The following TMEFF1 variants were observed in gnomAD, a reference collection of about 807,000 sequenced individuals.
TMEFF1 encodes tomoregulin-1.
A neutral mutation model predicts 47.5 loss-of-function variants in TMEFF1; 20 were observed. That is an observed-to-expected ratio of 0.42 (90% CI 0.30 to 0.61). The LOEUF (loss-of-function observed/expected upper bound fraction) is 0.61, where lower values mean the gene tolerates loss of function less well. Ranked by LOEUF, TMEFF1 falls within the 20% of genes least tolerant of loss-of-function variation. TMEFF1 has a pLI of 0.19. For synonymous variants in TMEFF1, 162 were observed against 166.3 expected (o/e 0.97, Z 0.20); for missense variants, 411 against 471.1 (o/e 0.87, Z 1.18).
At chr9:100,546,932 T>C (rs867733781) in intron 5 of TMEFF1, among the ~76,000 whole-genome samples, 6 of 152,216 alleles carry the variant, frequency 3.9e-5, no homozygotes, top group African/African-American at 1.2e-4. Flanking sequence ...GATAGACATG[T>C]AGCTAGAAAA....
intron 5 of TMEFF1, among the ~76,000 whole-genome samples, chr9:100,533,658 T>C (rs1838445568): frequency 6.6e-6 from 1 of 152,110 alleles, no homozygotes; most frequent in African/African-American, 2.4e-5. Context: ...TTGGCTTTTT[T>C]TTCTGTTGTT....
At position 100,576,494 on chromosome 9, in the gene TMEFF1, CTT is replaced by C. The variant is rs576654571; in HGVS notation, c.1059-20_1059-19del. ...AATCATCAAAACAATATTTTTCTCT[CTT>C]TCTTTTTTTAATGCAACAGAAAATG... On this transcript the variant is annotated intron_variant, in intron 9 of 9. Coordinates refer to ENST00000374879, the MANE Select transcript of TMEFF1 (RefSeq NM_003692.5). 3.0e-5 allele frequency: 48 copies of C among 1,602,808 alleles called. No homozygotes were observed. In the African/African-American group the frequency reaches 5.4e-4, roughly 18 times the overall value.
chr9:100,573,003 G>C (rs1839277355), intron 9 of TMEFF1, among the ~76,000 whole-genome samples: 2 of 148,526 alleles, frequency 1.3e-5, no homozygotes, highest in Non-Finnish European at 3.0e-5. Flanking sequence ...TTTTTTAAGA[G>C]ACAGGGCCTC....
intron 7 of TMEFF1, among the ~76,000 whole-genome samples, chr9:100,557,714 G>A (rs1029030828): frequency 4.6e-5 from 7 of 152,018 alleles, no homozygotes; most frequent in African/African-American, 1.7e-4. Context: ...ATCTTTTGCC[G>A]TTTAATTGTA....
chr9:100,524,273 C>T (rs1424339818), intron 5 of TMEFF1, among the ~76,000 whole-genome samples: 2 of 152,066 alleles, frequency 1.3e-5, no homozygotes, highest in African/African-American at 2.4e-5. Context: ...TTAAGGAATA[C>T]CTGTTAAAAA....
intron 5 of TMEFF1, among the ~76,000 whole-genome samples, chr9:100,544,083 T>A (rs1455089466): frequency 6.9e-6 from 1 of 144,096 alleles, no homozygotes. Context: ...TTTACCTTCA[T>A]GCTGATATAT....
chr9:100,476,976 G>A (rs975491791), intron 1 of TMEFF1, among the ~76,000 whole-genome samples: 3 of 152,116 alleles, frequency 2.0e-5, no homozygotes, highest in Admixed American at 6.5e-5. Flanking sequence ...GATTACAGGC[G>A]TGAGCCACCG....
chr9:100,555,168 C>CAG (rs966949353), intron 7 of TMEFF1, among the ~76,000 whole-genome samples: 5 of 150,734 alleles, frequency 3.3e-5, no homozygotes, highest in African/African-American at 1.2e-4. Context: ...CACAGACACA[C>CAG]ACACACACAC....
chr9:100,549,795 C>T (rs934188099), intron 6 of TMEFF1, among the ~76,000 whole-genome samples: 1 of 152,160 alleles, frequency 6.6e-6, no homozygotes, highest in African/African-American at 2.4e-5. Context: ...AGGTTTAACC[C>T]TTTCTTCTCA....
At chr9:100,511,973 T>C (rs1037800173) in intron 3 of TMEFF1, among the ~76,000 whole-genome samples, 1 of 152,352 alleles carries the variant, frequency 6.6e-6, no homozygotes, top group South Asian at 2.1e-4. Context: ...TTTATATTTA[T>C]TAAAAGTAGA....
chr9:100,474,721 T>A (rs1837190070), intron 1 of TMEFF1, among the ~76,000 whole-genome samples: 1 of 151,936 alleles, frequency 6.6e-6, no homozygotes, highest in Admixed American at 6.6e-5. Flanking sequence ...TGTGTGTGTG[T>A]TTTGCGGGAG....
In TMEFF1 at chr9:100,473,186, G is replaced by A. The variant is rs1837147961; in HGVS notation, c.-359G>A. ...CGGTGGCAACGGCCACGGACACAAA[G>A]GGAAGGCGAGGAGGCGAGCAAGAGG... is the stretch of plus-strand genomic sequence containing the variant. On this transcript the variant is annotated 5_prime_UTR_variant, in exon 1 of 10. Coordinates refer to ENST00000374879, the MANE Select transcript of TMEFF1 (RefSeq NM_003692.5). The surrounding 1 kb of genome is among the most constrained non-coding windows in gnomAD (Gnocchi z 5.4). 6.6e-6 allele frequency: 1 copy of A among 150,520 alleles called. No individual in the cohort carries two copies. Among genetic ancestry groups the A allele is most frequent in the Admixed American group, 6.6e-5 (1 of 15,104 alleles). The allele number at this position is 150,520 out of a possible 1,614,324, so 9.3% of individuals were successfully genotyped here. A position where few individuals can be genotyped will look rare whatever the true frequency, so the allele number is the denominator to read the frequency against.
intron 1 of TMEFF1, among the ~76,000 whole-genome samples, chr9:100,478,751 A>G (rs868303552): frequency 4.6e-5 from 7 of 152,254 alleles, no homozygotes; most frequent in Non-Finnish European, 7.3e-5. Context: ...TTAGGAGACC[A>G]GGTAACCTTA....
At chr9:100,491,818 T>C (rs1837556225) in intron 1 of TMEFF1, among the ~76,000 whole-genome samples, 1 of 152,060 alleles carries the variant, frequency 6.6e-6, no homozygotes, top group Admixed American at 6.6e-5. Flanking sequence ...TATTTTAACA[T>C]ACACATATTT....
At chr9:100,541,347 C>CGTTTTT (rs748303966) in intron 5 of TMEFF1, among the ~76,000 whole-genome samples, 1 of 131,472 alleles carries the variant, frequency 7.6e-6, no homozygotes, top group African/African-American at 2.8e-5. Flanking sequence ...TTGGCAATTT[C>CGTTTTT]ATTTTTTTTT....
chr9:100,491,133 T>G (rs1194353256), intron 1 of TMEFF1, among the ~76,000 whole-genome samples: 1 of 152,202 alleles, frequency 6.6e-6, no homozygotes, highest in Non-Finnish European at 1.5e-5. Context: ...ATTCCATAGT[T>G]GTACCACACC....
chr9:100,516,744 A>T lies in TMEFF1; in HGVS notation c.533A>T (p.Glu178Val), dbSNP rs1442737033. The T allele has an allele frequency of 6.2e-7, 1 of 1,613,548 alleles. No homozygotes were observed. The highest frequency in any genetic ancestry group is 2.2e-5 in the East Asian group (1 of 44,848). Residue 178 changes from glutamate to valine, a missense_variant, in exon 5 of 10, where the codon GAG becomes GTG. Glu to Val is a moderately radical substitution (Grantham distance 121). Coordinates refer to ENST00000374879, the MANE Select transcript of TMEFF1 (RefSeq NM_003692.5). ...SKCGPCKYKA[E>V]CDEDAENVGC... ...TGTGGACCCTGCAAATATAAAGCTGAGTGTGATGAAGATGCAGAAAATGTT... is the reference window on the plus strand; with the variant it reads ...TGTGGACCCTGCAAATATAAAGCTGTGTGTGATGAAGATGCAGAAAATGTT...
intron 7 of TMEFF1, among the ~76,000 whole-genome samples, chr9:100,559,981 C>G (rs1287728406): frequency 1.3e-5 from 2 of 151,898 alleles, no homozygotes; most frequent in Non-Finnish European, 2.9e-5. Context: ...AATTTTGATC[C>G]TCAGAAAATC....
chr9:100,557,478 A>G (rs35388593), intron 7 of TMEFF1, among the ~76,000 whole-genome samples: 3,827 of 152,278 alleles, frequency 0.025, 61 homozygotes, highest in Middle Eastern at 0.037. Context: ...CAACTTTGAC[A>G]TATACCCTTC....
Sources: gnomAD v4.1 joint callset for allele counts (sites outside exome capture counted in the v4.1 genomes callset) on GRCh38, gnomAD v4.1.1 for gene constraint, Gnocchi (gnomAD v3.1) non-coding constraint, MANE v1.5 for transcripts, NCBI Gene and HGNC (gene_info 2026-07-23, HGNC 2026-07-21) for gene names.